Variants in CACNB2 observed in about 807,000 individuals in gnomAD.
CACNB2 encodes calcium voltage-gated channel auxiliary subunit beta 2, also known as voltage-dependent L-type calcium channel subunit beta-2.
Under a neutral mutation model 73.3 loss-of-function variants are expected in CACNB2, and 42 were observed. The ratio of observed to expected loss-of-function variants is 0.57; its 90% CI spans 0.45 to 0.74. The LOEUF is 0.74. Among genes scored for constraint, CACNB2 ranks in the 30% least tolerant of loss-of-function variants. CACNB2 has a pLI of 0.00. For synonymous variants in CACNB2, 348 were observed against 310.3 expected, an observed-to-expected ratio of 1.12 and a Z score of -1.28; for missense variants, 940 against 853.0, an observed-to-expected ratio of 1.10 and a Z score of -1.27.
At chr10:18,163,162 G>C (rs1252476971) in intron 2 of CACNB2, among the ~76,000 whole-genome samples, 1 of 152,164 alleles carries the variant, frequency 6.6e-6, no homozygotes, top group Non-Finnish European at 1.5e-5. Context: ...TAAAATAGTG[G>C]ACGCATGCTG....
At chr10:18,488,931 A>G (rs1317248099) in intron 3 of CACNB2, among the ~76,000 whole-genome samples, 1 of 152,096 alleles carries the variant, frequency 6.6e-6, no homozygotes, top group Non-Finnish European at 1.5e-5. Context: ...TAATCCCAGC[A>G]TTTTGGGAGG....
chr10:18,532,685 AAAAAAAAAAAACAAAAC>A (rs200858285), intron 10 of CACNB2, among the ~76,000 whole-genome samples: 3,969 of 66,266 alleles, frequency 0.06, 190 homozygotes, highest in African/African-American at 0.17. Context: ...TCAAAAAAAA[AAAAAAAAAAAACAAAAC>A]AAAAAAACAA....
chr10:18,512,767 G>T (rs764065522), intron 6 of CACNB2, among the ~76,000 whole-genome samples: 10 of 152,146 alleles, frequency 6.6e-5, no homozygotes, highest in Non-Finnish European at 1.3e-4. Context: ...GCATCCTGCT[G>T]GTTGTGGAAG....
chr10:18,471,045 C>A (rs1018101466), intron 3 of CACNB2, among the ~76,000 whole-genome samples: 1 of 152,200 alleles, frequency 6.6e-6, no homozygotes, highest in African/African-American at 2.4e-5. Context: ...TGGGTCACAC[C>A]TGTAATCCCA....
intron 9 of CACNB2, among the ~76,000 whole-genome samples, chr10:18,524,205 C>CG (rs2052209641): frequency 6.7e-6 from 1 of 149,222 alleles, no homozygotes; most frequent in African/African-American, 2.5e-5. Flanking sequence ...GATAAATTCA[C>CG]GGTTTTTTTT....
chr10:18,509,251 C>T (rs1564631827), intron 6 of CACNB2, among the ~76,000 whole-genome samples: 1 of 152,212 alleles, frequency 6.6e-6, no homozygotes, highest in Non-Finnish European at 1.5e-5. Context: ...CTGTAATGAT[C>T]ATTTTCATCG....
At chr10:18,534,819 C>G (rs1456976902) in intron 11 of CACNB2, among the ~76,000 whole-genome samples, 2 of 152,192 alleles carry the variant, frequency 1.3e-5, no homozygotes, top group Non-Finnish European at 2.9e-5. Flanking sequence ...ACTAAACTAG[C>G]CATGTTTTTC....
intron 2 of CACNB2, among the ~76,000 whole-genome samples, chr10:18,210,228 A>T (rs958189021): frequency 6.6e-6 from 1 of 152,178 alleles, no homozygotes; most frequent in Non-Finnish European, 1.5e-5. Context: ...GGTGGTGGCT[A>T]TAGTCAATCT....
At chr10:18,519,576 G>C (rs186869679) in intron 9 of CACNB2, 67 of 393,182 alleles carry the variant, frequency 1.7e-4, no homozygotes, top group Middle Eastern at 1.7e-3. Flanking sequence ...TATCCATACA[G>C]AGCCGTAATC....
chr10:18,332,845 G>A (rs1229320961), intron 2 of CACNB2, among the ~76,000 whole-genome samples: 1 of 152,186 alleles, frequency 6.6e-6, no homozygotes, highest in Non-Finnish European at 1.5e-5. Flanking sequence ...TTCATTTACA[G>A]TTAACTCTGA....
Position 18,238,164 on chromosome 10 carries a change from A to G in CACNB2, c.213+87189A>G, listed in dbSNP as rs78522306. 2.8e-3 allele frequency among the ~76,000 whole-genome samples: 420 copies of G among 152,284 alleles called. 6 individuals carry two copies. The East Asian group carries it at 0.034, about 12-fold the overall frequency. ...TTGGCATGTGGTTTTATAACTCCCC[A>G]TGTCCACCCCAGACATAACCTTATG... On this transcript the variant is annotated intron_variant, in intron 2 of 13. Coordinates refer to ENST00000324631, the MANE Select transcript of CACNB2 (RefSeq NM_201596.3).
At chr10:18,414,652 T>C (rs146186727) in intron 3 of CACNB2, among the ~76,000 whole-genome samples, 1 of 152,232 alleles carries the variant, frequency 6.6e-6, no homozygotes, top group East Asian at 1.9e-4. Context: ...AGCCTGCTAA[T>C]TTTTGTATTT....
chr10:18,465,629 C>A (rs556174083), intron 3 of CACNB2, among the ~76,000 whole-genome samples: 2 of 151,958 alleles, frequency 1.3e-5, no homozygotes, highest in African/African-American at 4.8e-5. Context: ...CAGTGTTCCA[C>A]ATTCCCTTTT....
intron 2 of CACNB2, among the ~76,000 whole-genome samples, chr10:18,377,099 A>G (rs141433045): frequency 4.7e-4 from 71 of 152,338 alleles, no homozygotes; most frequent in Non-Finnish European, 9.3e-4. Context: ...GCCTGTATCA[A>G]CATATCTCAT....
At chr10:18,430,303 T>C (rs1181952143) in intron 3 of CACNB2, among the ~76,000 whole-genome samples, 11 of 152,184 alleles carry the variant, frequency 7.2e-5, no homozygotes, top group Admixed American at 7.2e-4. Context: ...GTTTGCATTC[T>C]ATATTTCCAT....
At chr10:18,513,234 A>C (rs2050947809) in intron 6 of CACNB2, 1 of 155,840 alleles carries the variant, frequency 6.4e-6, no homozygotes, top group African/African-American at 2.4e-5. Flanking sequence ...GAAATGGTTC[A>C]TTGTTGTTGC....
intron 2 of CACNB2, among the ~76,000 whole-genome samples, chr10:18,372,510 G>C (rs887628232): frequency 2.0e-5 from 3 of 152,110 alleles, no homozygotes; most frequent in African/African-American, 7.2e-5. Context: ...AGGTTCAAGT[G>C]ATTCTCCTGC....
intron 2 of CACNB2, among the ~76,000 whole-genome samples, chr10:18,175,833 A>C (rs148592450): frequency 0.039 from 5,969 of 152,232 alleles, 398 homozygotes; most frequent in African/African-American, 0.14. Flanking sequence ...CCTGACCTCA[A>C]GTGATCTGCC....
At chr10:18,436,719 C>G (rs1307633152) in intron 3 of CACNB2, among the ~76,000 whole-genome samples, 3 of 152,106 alleles carry the variant, frequency 2.0e-5, no homozygotes, top group African/African-American at 7.2e-5. Context: ...ATGCCAAAGC[C>G]AAATGAGCTT....
Sources: gnomAD v4.1 joint callset for allele counts (sites outside exome capture counted in the v4.1 genomes callset) on GRCh38, gnomAD v4.1.1 for gene constraint, MANE v1.5 for transcripts, NCBI Gene and HGNC (gene_info 2026-07-23, HGNC 2026-07-21) for gene names.